The following CDC42 variants were observed in gnomAD, a reference collection of about 807,000 sequenced individuals.
CDC42 encodes cell division control protein 42 homolog.
In CDC42, 1 loss-of-function variant was observed where a neutral mutation model predicts 20.8. The ratio of observed to expected loss-of-function variants is 0.05; its 90% CI spans 0.02 to 0.23. The LOEUF (loss-of-function observed/expected upper bound fraction) is 0.23, where lower values mean the gene tolerates loss of function less well. CDC42 is among the 10% of genes least tolerant of loss of function. The pLI is 1.00. For synonymous variants in CDC42, 72 were observed against 84.8 expected (o/e 0.85, Z 0.83); for missense variants, 49 against 227.9 (o/e 0.21, Z 5.05).
chr1:22,077,162 A>G (rs1415625187), intron 1 of CDC42, among the ~76,000 whole-genome samples: 1 of 152,174 alleles, frequency 6.6e-6, no homozygotes, highest in Non-Finnish European at 1.5e-5. Context: ...GTCTAAAAAA[A>G]AGAAAAATAT....
rs78920226 is a variant in CDC42, at chr1:22,058,067, A to G, written c.-51+5325A>G. ...TATCCGTTACCTTTACCGTTGTCAT[A>G]GAAGCAAGGGTGTCAGGCCTCAGGT... On this transcript the variant is annotated intron_variant, in intron 1 of 5. Transcript: ENST00000656825. 9.4e-3 allele frequency among the ~76,000 whole-genome samples: 1,425 copies of G among 152,258 alleles called. 21 individuals are homozygous for G. The highest frequency in any genetic ancestry group is 0.032 in the African/African-American group (1,343 of 41,542).
intron 5 of CDC42, among the ~76,000 whole-genome samples, chr1:22,089,473 C>G (rs911666565): frequency 2.6e-5 from 4 of 152,164 alleles, no homozygotes; most frequent in Non-Finnish European, 5.9e-5. Context: ...TAAAGTCCTT[C>G]TAGTTGGTAC....
Position 22,095,726 on chromosome 1 carries a change from C to G in CDC42, c.*4209C>G, listed in dbSNP as rs1413137149. 6.6e-6 allele frequency among the ~76,000 whole-genome samples: 1 copy of G among 152,106 alleles called. No homozygotes were observed. Among genetic ancestry groups the G allele is most frequent in the African/African-American group, 2.4e-5 (1 of 41,418 alleles). ...GCATTTATTTTTCTCATTCATGGGT[C>G]AGCTGAACTTGTCTCTAGCCTTCAG... On this transcript the variant is annotated 3_prime_UTR_variant, in exon 6 of 6. Coordinates refer to ENST00000656825, the MANE Select transcript of CDC42 (RefSeq NM_001791.4).
chr1:22,098,514 G>C lies in CDC42; in HGVS notation c.*6997G>C, dbSNP rs1645771385. On this transcript the variant is annotated 3_prime_UTR_variant, in exon 6 of 6. Coordinates refer to ENST00000656825, the MANE Select transcript of CDC42 (RefSeq NM_001791.4). ...TTTGAAAAAGTTAAAAGGGTTCTGTGTAATGTTACCTAAGAAGCTTATTTT... is the reference window on the plus strand; with the variant it reads ...TTTGAAAAAGTTAAAAGGGTTCTGTCTAATGTTACCTAAGAAGCTTATTTT... Among the ~76,000 whole-genome samples the C allele has an allele frequency of 6.6e-6, 1 of 152,148 alleles. No individual in the cohort carries two copies. The highest frequency in any genetic ancestry group is 2.1e-4 in the South Asian group (1 of 4,832).
At chr1:22,078,981 G>T (rs1040660438) in intron 2 of CDC42, 22 of 545,050 alleles carry the variant, frequency 4.0e-5, no homozygotes, top group Non-Finnish European at 5.7e-5. Context: ...TTGAGAGAAA[G>T]TAGTATGTGT....
rs111519086 is a variant in CDC42, at chr1:22,100,026, CTTCTTTTTTTT to C, written c.*8512_*8522del. ...CCTTTTTTTCTTTCTTCTTCTTCTT[CTTCTTTTTTTT>C]TTTTTTTGTATAATAGGCCTGTGAG... On this transcript the variant is annotated 3_prime_UTR_variant, in exon 6 of 6. Coordinates refer to ENST00000656825, the MANE Select transcript of CDC42 (RefSeq NM_001791.4). 0.28 allele frequency among the ~76,000 whole-genome samples: 16,361 copies of C among 57,580 alleles called. 1,117 individuals are homozygous for C. The highest frequency in any genetic ancestry group is 0.32 in the Admixed American group (1,534 of 4,826). 37.8% of individuals were successfully genotyped at this position (57,580 alleles called of 152,430 possible). A position where few individuals can be genotyped will look rare whatever the true frequency, so the allele number is the denominator to read the frequency against.
At chr1:22,085,244 A>AGAAAAAG (rs1553195979) in intron 3 of CDC42, among the ~76,000 whole-genome samples, 4 of 135,956 alleles carry the variant, frequency 2.9e-5, no homozygotes, top group African/African-American at 1.1e-4. Flanking sequence ...AAAAAAAAAA[A>AGAAAAAG]AAAAGAAAAA....
rs1366587636 is a variant in CDC42, at chr1:22,098,383, A to G, written c.*6866A>G. On this transcript the variant is annotated 3_prime_UTR_variant, in exon 6 of 6. Transcript: ENST00000656825. ...GAGATTCTGAATCTGTAAGTATGCA[A>G]TGGGACCTGAGAATCAATCTAATTT... Among the ~76,000 whole-genome samples, 2 of 152,188 alleles carry G rather than the reference A, an allele frequency of 1.3e-5. No individual in the cohort carries two copies. Among genetic ancestry groups the G allele is most frequent in the Admixed American group, 6.5e-5 (1 of 15,286 alleles).
intron 2 of CDC42, among the ~76,000 whole-genome samples, chr1:22,079,166 T>A (rs1645582736): frequency 7.1e-6 from 1 of 141,696 alleles, no homozygotes; most frequent in South Asian, 2.2e-4. Flanking sequence ...TGAGATGGAG[T>A]CTCTATCGTC....
chr1:22,071,046 C>CTT (rs10684040), intron 1 of CDC42, among the ~76,000 whole-genome samples: 95,603 of 124,706 alleles, frequency 0.77, 37,576 homozygotes, highest in South Asian at 0.87. Context: ...TTTTTTCTTT[C>CTT]TTTTTTTTTT....
intron 1 of CDC42, among the ~76,000 whole-genome samples, chr1:22,071,030 TTC>T (rs1645484409): frequency 7.9e-6 from 1 of 127,318 alleles, no homozygotes; most frequent in East Asian, 2.4e-4. Flanking sequence ...GAACAAGCAT[TTC>T]TTTTTTTTTC....
rs571911719 is a variant in CDC42 at position 22,081,454 on chromosome 1, T to A, written c.106-268T>A. On this transcript the variant is annotated intron_variant, in intron 2 of 5. Coordinates refer to ENST00000656825, the MANE Select transcript of CDC42 (RefSeq NM_001791.4). ...TTCATTTTGTGTAGCTAGAGGACTC[T>A]GCTCCTGTGACACCTCTAAACCTTC... Among the ~76,000 whole-genome samples, 4 of 152,364 alleles carry A rather than the reference T, an allele frequency of 2.6e-5. No homozygotes were observed. The East Asian group carries it at 7.7e-4, about 29-fold the overall frequency.
chr1:22,060,333 C>T (rs570602611), intron 1 of CDC42, among the ~76,000 whole-genome samples: 3 of 150,616 alleles, frequency 2.0e-5, no homozygotes, highest in African/African-American at 7.3e-5. Flanking sequence ...GAGACTCCGT[C>T]TCAAAAAATT....
At chr1:22,083,742 C>T (rs1164131777) in intron 3 of CDC42, among the ~76,000 whole-genome samples, 1 of 152,112 alleles carries the variant, frequency 6.6e-6, no homozygotes, top group Non-Finnish European at 1.5e-5. Flanking sequence ...TGTTGGCACC[C>T]TTATCAAAAA....
intron 1 of CDC42, among the ~76,000 whole-genome samples, chr1:22,075,909 G>T (rs1291773762): frequency 6.6e-6 from 1 of 152,136 alleles, no homozygotes; most frequent in Non-Finnish European, 1.5e-5. Context: ...TGGAAGATTT[G>T]TGGGTAAATA....
Position 22,100,413 on chromosome 1 carries a change from A to G in CDC42, c.*8896A>G, listed in dbSNP as rs1013556152. On this transcript the variant is annotated 3_prime_UTR_variant, in exon 6 of 6. Coordinates refer to ENST00000656825, the MANE Select transcript of CDC42 (RefSeq NM_001791.4). The stretch of plus-strand genomic sequence containing the variant: ...GCATTGTTGGTGTTGTGCGAAGTAC[A>G]TGCATAGGCTTTGGATTTGAGTTTG... 5.3e-5 allele frequency among the ~76,000 whole-genome samples: 8 copies of G among 152,206 alleles called. No individual in the cohort carries two copies. Among genetic ancestry groups the G allele is most frequent in the African/African-American group, 1.7e-4 (7 of 41,446 alleles).
chr1:22,065,967 C>G (rs1645418706), intron 1 of CDC42, among the ~76,000 whole-genome samples: 1 of 152,106 alleles, frequency 6.6e-6, no homozygotes, highest in African/African-American at 2.4e-5. Context: ...ACCATGTTGG[C>G]TAGGCTTGTC....
In CDC42 at chr1:22,077,942, G is replaced by A. The variant is rs189142292; in HGVS notation, c.-50-487G>A. 1.1e-3 allele frequency among the ~76,000 whole-genome samples: 171 copies of A among 152,274 alleles called. 1 individual carries two copies. The highest frequency in any genetic ancestry group is 3.7e-3 in the African/African-American group (154 of 41,538). On this transcript the variant is annotated intron_variant, in intron 1 of 5. Transcript: ENST00000656825. ...TTACTCATATAATTACCGTGTGATC[G>A]TGTGGTGCTCTGCTGCTTGTTGGTC...
At chr1:22,080,936 C>T (rs1193366862) in intron 2 of CDC42, among the ~76,000 whole-genome samples, 3 of 152,068 alleles carry the variant, frequency 2.0e-5, no homozygotes, top group Non-Finnish European at 4.4e-5. Flanking sequence ...TTTGGGAGGC[C>T]GAGGCAGGTG....
Sources: allele counts gnomAD v4.1 joint callset (sites outside exome capture counted in the v4.1 genomes callset), GRCh38; gene constraint gnomAD v4.1.1; transcripts MANE v1.5; gene names NCBI Gene and HGNC (gene_info 2026-07-23, HGNC 2026-07-21).